The following REEP3 variants were observed in gnomAD, a reference collection of about 807,000 sequenced individuals.
The protein encoded by REEP3 is receptor accessory protein 3.
Under a neutral mutation model 41.3 loss-of-function variants are expected in REEP3, and 20 were observed. The observed-to-expected ratio is 0.48, with a 90% CI of 0.34 to 0.70. The LOEUF is 0.70. Ranked by LOEUF, REEP3 falls within the 30% of genes least tolerant of loss-of-function variation. REEP3 has a pLI of 0.01. For missense variants in REEP3, 271 were observed against 308.8 expected (o/e 0.88, Z 0.92); for synonymous variants, 104 against 101.8 (o/e 1.02, Z -0.13).
At chr10:63,549,322 C>T (rs1406854912) in intron 1 of REEP3, among the ~76,000 whole-genome samples, 2 of 152,222 alleles carry the variant, frequency 1.3e-5, no homozygotes, top group East Asian at 3.8e-4. Flanking sequence ...AATCCCAACA[C>T]TTTCGGAGGC....
At chr10:63,531,691 T>C (rs1262691395) in intron 1 of REEP3, among the ~76,000 whole-genome samples, 3 of 152,244 alleles carry the variant, frequency 2.0e-5, no homozygotes, top group African/African-American at 7.2e-5. Context: ...ATTTTTATCA[T>C]CGCAGAGTTC....
At chr10:63,613,552 T>C (rs978625356) in intron 6 of REEP3, among the ~76,000 whole-genome samples, 1 of 152,224 alleles carries the variant, frequency 6.6e-6, no homozygotes, top group African/African-American at 2.4e-5. Context: ...GGAAAAACTT[T>C]CATCAAAACT....
intron 6 of REEP3, among the ~76,000 whole-genome samples, chr10:63,610,845 C>G (rs1003758941): frequency 6.6e-6 from 1 of 152,144 alleles, no homozygotes; most frequent in African/African-American, 2.4e-5. Context: ...CCGAGGTGGG[C>G]GGATCACGAG....
intron 2 of REEP3, among the ~76,000 whole-genome samples, chr10:63,590,001 G>T (rs1956045751): frequency 6.6e-6 from 1 of 151,852 alleles, no homozygotes; most frequent in Non-Finnish European, 1.5e-5. Flanking sequence ...CACCATGTTG[G>T]CCAGGCTGGT....
intron 1 of REEP3, among the ~76,000 whole-genome samples, chr10:63,557,158 T>C (rs113445213): frequency 1.9e-4 from 29 of 152,294 alleles, no homozygotes; most frequent in African/African-American, 7.0e-4. Context: ...TACAATTTGC[T>C]AATTTCTGTG....
At chr10:63,555,192 C>A (rs1172414617) in intron 1 of REEP3, among the ~76,000 whole-genome samples, 1 of 152,084 alleles carries the variant, frequency 6.6e-6, no homozygotes, top group Admixed American at 6.5e-5. Flanking sequence ...GTCTTTTTCT[C>A]TCCTTCATGG....
At chr10:63,578,172 T>C (rs1188975656) in intron 2 of REEP3, among the ~76,000 whole-genome samples, 1 of 152,188 alleles carries the variant, frequency 6.6e-6, no homozygotes, top group Non-Finnish European at 1.5e-5. Context: ...TGATCTCAGC[T>C]CAGTGCAACC....
chr10:63,597,458 T>G (rs976322069), intron 3 of REEP3, among the ~76,000 whole-genome samples: 15 of 152,244 alleles, frequency 9.9e-5, no homozygotes, highest in African/African-American at 3.4e-4. Flanking sequence ...TCTTAACTGC[T>G]GCATTCAGTT....
At chr10:63,603,515 G>A (rs766248059) in intron 5 of REEP3, among the ~76,000 whole-genome samples, 4 of 151,462 alleles carry the variant, frequency 2.6e-5, no homozygotes, top group East Asian at 1.9e-4. Flanking sequence ...TAATTTATAC[G>A]TTAACACCTT....
At chr10:63,600,512 T>G (rs573843697) in intron 5 of REEP3, among the ~76,000 whole-genome samples, 1 of 152,282 alleles carries the variant, frequency 6.6e-6, no homozygotes, top group African/African-American at 2.4e-5. Context: ...AATACAGAAA[T>G]AGCAAAGTTT....
intron 1 of REEP3, among the ~76,000 whole-genome samples, chr10:63,543,545 T>C (rs1955550351): frequency 1.3e-5 from 2 of 152,168 alleles, no homozygotes; most frequent in South Asian, 4.1e-4. Context: ...TGTCAGAATA[T>C]TTAGCAGTTT....
chr10:63,605,456 C>A (rs1376230803), intron 5 of REEP3, among the ~76,000 whole-genome samples: 2 of 152,120 alleles, frequency 1.3e-5, no homozygotes, highest in Non-Finnish European at 2.9e-5. Flanking sequence ...CTATTCTTTA[C>A]TGAATAGTAT....
chr10:63,564,643 A>T lies in REEP3; in HGVS notation c.33-1695A>T, dbSNP rs77466956. On this transcript the variant is annotated intron_variant, in intron 1 of 7. Transcript: ENST00000373758. ...CTCAGAAAAAAAAAAAGAAATGCGC[A>T]TTAAAATAGCTATAAGGTTATTGTT... Among the ~76,000 whole-genome samples, 481 of 151,358 alleles carry T rather than the reference A, an allele frequency of 3.2e-3. 2 individuals carry two copies. The highest frequency in any genetic ancestry group is 0.011 in the African/African-American group (467 of 41,196).
intron 1 of REEP3, among the ~76,000 whole-genome samples, chr10:63,532,535 G>A (rs577164562): frequency 6.6e-6 from 1 of 151,834 alleles, no homozygotes; most frequent in Non-Finnish European, 1.5e-5. Flanking sequence ...GTTGGCGGGC[G>A]CCTGTAATCC....
chr10:63,531,508 G>C (rs1955420897), intron 1 of REEP3, among the ~76,000 whole-genome samples: 2 of 152,200 alleles, frequency 1.3e-5, no homozygotes, highest in Admixed American at 1.3e-4. Flanking sequence ...TATATATGGA[G>C]AGGGCATGAG....
intron 2 of REEP3, among the ~76,000 whole-genome samples, chr10:63,583,575 G>C (rs1380695606): frequency 6.6e-6 from 1 of 152,186 alleles, no homozygotes; most frequent in Non-Finnish European, 1.5e-5. Context: ...GGAGTCGACT[G>C]TGTGAAGTTA....
At chr10:63,609,969 AACTT>A (rs1240779586) in intron 5 of REEP3, among the ~76,000 whole-genome samples, 1 of 152,198 alleles carries the variant, frequency 6.6e-6, no homozygotes, top group Non-Finnish European at 1.5e-5. Context: ...TGATGTCTCC[AACTT>A]ACTTTGAAAT....
chr10:63,618,381 G>C (rs1407334252), intron 6 of REEP3, among the ~76,000 whole-genome samples: 1 of 151,544 alleles, frequency 6.6e-6, no homozygotes, highest in African/African-American at 2.4e-5. Context: ...GAGTAGCTGG[G>C]ACTACAGGCG....
In REEP3 at chr10:63,624,781, G is replaced by T. The variant is rs1233754515; in HGVS notation, c.*3912G>T. On this transcript the variant is annotated 3_prime_UTR_variant, in exon 8 of 8. Transcript: ENST00000373758. ...AATTGTTAAATTTGGATGTTAGAAAGGAAAGATAGGAAAAACAATGAGTAC... is the reference window on the plus strand; with the variant it reads ...AATTGTTAAATTTGGATGTTAGAAATGAAAGATAGGAAAAACAATGAGTAC... The T allele has an allele frequency of 6.6e-6, 1 of 152,096 alleles. No homozygotes were observed. Among genetic ancestry groups the T allele is most frequent in the Admixed American group, 6.5e-5 (1 of 15,276 alleles). 9.4% of individuals were successfully genotyped at this position (152,096 alleles called of 1,614,324 possible). A position where few individuals can be genotyped will look rare whatever the true frequency, so the allele number is the denominator to read the frequency against.
Sources: gnomAD v4.1 joint callset for allele counts (sites outside exome capture counted in the v4.1 genomes callset) on GRCh38, gnomAD v4.1.1 for gene constraint, MANE v1.5 for transcripts, NCBI Gene and HGNC (gene_info 2026-07-23, HGNC 2026-07-21) for gene names.